The following ZNF737 variants were observed in gnomAD, a reference collection of about 807,000 sequenced individuals.
ZNF737 encodes zinc finger protein 102 (Y3).
A neutral mutation model predicts 11.7 loss-of-function variants in ZNF737; 13 were observed. The observed-to-expected ratio is 1.11, with a 90% CI of 0.73 to 1.77. The LOEUF (loss-of-function observed/expected upper bound fraction) is 1.77. ZNF737 is among the 40% of genes most tolerant of loss of function. ZNF737 has a pLI of 0.00. For synonymous variants in ZNF737, 217 were observed against 216.2 expected (o/e 1.00, Z -0.03); for missense variants, 636 against 638.0 (o/e 1.00, Z 0.03).
At chr19:20,552,351 G>C in intron 3 of ZNF737, 124 bp downstream of exon 3, 1 of 506,510 alleles carries the variant, frequency 2.0e-6, no homozygotes, top group Non-Finnish European at 3.2e-6. Context: ...AAAAAAAACA[G>C]CTCCCAGGAA....
At position 20,544,530 on chromosome 19, in the gene ZNF737, G is replaced by C; in HGVS notation, c.*62C>G. The C allele has an allele frequency of 6.5e-7, 1 of 1,542,366 alleles. No individual in the cohort carries two copies. Among genetic ancestry groups the C allele is most frequent in the South Asian group, 1.3e-5 (1 of 79,722 alleles). On this transcript the variant is annotated 3_prime_UTR_variant, in exon 4 of 4. Coordinates refer to ENST00000427401, the MANE Select transcript of ZNF737 (RefSeq NM_001159293.2). ...CACTTGTACAGTTTCCCTCCAATATGAATTTTCTTATGTGAAAAAAGCATA... is the reference window on the plus strand; with the variant it reads ...CACTTGTACAGTTTCCCTCCAATATCAATTTTCTTATGTGAAAAAAGCATA...
chr19:20,549,226 ATC>A (rs1968578035), intron 3 of ZNF737, among the ~76,000 whole-genome samples: 1 of 152,204 alleles, frequency 6.6e-6, no homozygotes, highest in Admixed American at 6.5e-5. Context: ...TGCATAATTT[ATC>A]TCTTAATTAA....
rs1968174674 is a variant in ZNF737 at position 20,540,862 on chromosome 19, A to T, written c.*3730T>A. 2 of 945,756 alleles carry T rather than the reference A, an allele frequency of 2.1e-6. No individual in the cohort carries two copies. The highest frequency in any genetic ancestry group is 2.5e-6 in the Non-Finnish European group (2 of 793,998). The allele number at this position is 945,756 out of a possible 1,614,324, so 58.6% of individuals were successfully genotyped here. ...CTTTTTAGTTTTATTCATTACAAAT[A>T]ACTATTTTTCTGGCTTAAATTATTT... is the stretch of plus-strand genomic sequence containing the variant. On this transcript the variant is annotated 3_prime_UTR_variant, in exon 4 of 4. Coordinates refer to ENST00000427401, the MANE Select transcript of ZNF737 (RefSeq NM_001159293.2).
downstream of ZNF737, among the ~76,000 whole-genome samples, chr19:20,532,427 T>C (rs62105644): frequency 0.039 from 5,797 of 150,018 alleles, 394 homozygotes; most frequent in Non-Finnish European, 0.06. Flanking sequence ...CATACCCATG[T>C]GACTCATTTT....
intron 1 of ZNF737, among the ~76,000 whole-genome samples, chr19:20,555,969 G>A (rs1968874238): frequency 6.6e-6 from 1 of 152,100 alleles, no homozygotes; most frequent in African/African-American, 2.4e-5. Flanking sequence ...ACATCAACTG[G>A]CAGAAAAAGA....
intron 3 of ZNF737, 134 bp from the exon 4 acceptor site, chr19:20,546,110 T>C: frequency 3.4e-6 from 4 of 1,171,832 alleles, no homozygotes; most frequent in Non-Finnish European, 4.7e-6. Flanking sequence ...TGTAATTTCT[T>C]CCTGGATACA....
At chr19:20,549,093 C>T (rs1968573951) in intron 3 of ZNF737, among the ~76,000 whole-genome samples, 1 of 151,050 alleles carries the variant, frequency 6.6e-6, no homozygotes, top group Admixed American at 6.6e-5. Context: ...TCCATAAGTA[C>T]TCACTTAGAC....
the ZNF737 span, among the ~76,000 whole-genome samples, chr19:20,530,521 G>C: frequency 2.7e-4 from 40 of 147,602 alleles, 4 homozygotes; most frequent in Middle Eastern, 7.4e-3. Flanking sequence ...TGGGGCGGTT[G>C]CCAGGCGGAG....
chr19:20,551,506 T>A (rs1242309012), intron 3 of ZNF737, among the ~76,000 whole-genome samples: 1 of 151,520 alleles, frequency 6.6e-6, no homozygotes, highest in Non-Finnish European at 1.5e-5. Flanking sequence ...AGTTGCTGTT[T>A]GTGGATCATA....
chr19:20,546,928 G>T (rs1968473736), intron 3 of ZNF737, among the ~76,000 whole-genome samples: 1 of 152,124 alleles, frequency 6.6e-6, no homozygotes, highest in African/African-American at 2.4e-5. Flanking sequence ...CACACTGTGT[G>T]TTTTCTAACA....
At chr19:20,530,767 C>T in the ZNF737 span, among the ~76,000 whole-genome samples, 44 of 147,772 alleles carry the variant, frequency 3.0e-4, 1 homozygote, top group South Asian at 8.6e-3. Context: ...CAGAGGGGCT[C>T]CTCACATCCC....
Position 20,565,656 on chromosome 19 carries a change from G to A in ZNF737, c.-16C>T. ...CTCTCACCATTTCTAGGCTTCCAGGGGCTCCCGGGCGTCTTAGCTGTGGAT... is the reference window on the plus strand; with the variant it reads ...CTCTCACCATTTCTAGGCTTCCAGGAGCTCCCGGGCGTCTTAGCTGTGGAT... On this transcript the variant is annotated 5_prime_UTR_variant, in exon 1 of 4. Coordinates refer to ENST00000427401, the MANE Select transcript of ZNF737 (RefSeq NM_001159293.2). 3.1e-6 allele frequency: 5 copies of A among 1,614,146 alleles called. No homozygotes were observed. Among genetic ancestry groups the A allele is most frequent in the Non-Finnish European group, 4.2e-6 (5 of 1,180,040 alleles).
At chr19:20,551,312 C>T (rs1038317065) in intron 3 of ZNF737, 1 of 151,370 alleles carries the variant, frequency 6.6e-6, no homozygotes, top group Non-Finnish European at 1.5e-5. Flanking sequence ...ACCAGTAATC[C>T]CAGCTACCCA....
In ZNF737 at chr19:20,545,475, TATGAAAACCGGCTAAAGGC is replaced by T. The variant is rs782774155; in HGVS notation, c.709_727del (p.Ala237ThrfsTer7). 5 of 1,613,332 alleles carry T rather than the reference TATGAAAACCGGCTAAAGGC, an allele frequency of 3.1e-6. No homozygotes were observed. In the African/African-American group the frequency reaches 6.7e-5, roughly 22 times the overall value. ...ATGAATTATCTTATGTGCAGTAAGG[TATGAAAACCGGCTAAAGGC>T]TTTGCCACAGTCTTCACATTTGTAC... On this transcript the variant is annotated frameshift_variant, in exon 4 of 4. Coordinates refer to ENST00000427401, the MANE Select transcript of ZNF737 (RefSeq NM_001159293.2). LOFTEE classifies it low-confidence loss of function (END_TRUNC).
Position 20,538,806 on chromosome 19 carries a change from C to G in ZNF737, c.*5786G>C. The G allele has an allele frequency of 1.0e-6, 1 of 985,348 alleles. No individual in the cohort carries two copies. Among genetic ancestry groups the G allele is most frequent in the Non-Finnish European group, 1.2e-6 (1 of 829,902 alleles). The allele number at this position is 985,348 out of a possible 1,614,324, so 61.0% of individuals were successfully genotyped here. ...TGTTATTTGCATAGCTAGATAATTA[C>G]CAACTTTAGTCATACTATTTTTTAG... On this transcript the variant is annotated 3_prime_UTR_variant, in exon 4 of 4. Coordinates refer to ENST00000427401, the MANE Select transcript of ZNF737 (RefSeq NM_001159293.2).
chr19:20,547,717 AAAC>A (rs1968507799), intron 3 of ZNF737, among the ~76,000 whole-genome samples: 1 of 152,088 alleles, frequency 6.6e-6, no homozygotes, highest in Non-Finnish European at 1.5e-5. Flanking sequence ...GAAATTAAAA[AAAC>A]ACACAATGAC....
chr19:20,548,962 GAAAA>G (rs3047010), intron 3 of ZNF737, among the ~76,000 whole-genome samples: 44 of 86,442 alleles, frequency 5.1e-4, no homozygotes, highest in Non-Finnish European at 7.7e-4. Context: ...AAGAAAAACT[GAAAA>G]AAAAAAAAAA....
downstream of ZNF737, among the ~76,000 whole-genome samples, chr19:20,532,375 G>GT (rs1313938291): frequency 4.0e-5 from 6 of 149,364 alleles, no homozygotes; most frequent in East Asian, 2.0e-4. Context: ...TATTTCTGAG[G>GT]TTTTTTTTAA....
intron 1 of ZNF737, among the ~76,000 whole-genome samples, chr19:20,554,755 G>A (rs534643141): frequency 1.3e-5 from 2 of 152,022 alleles, no homozygotes; most frequent in Non-Finnish European, 2.9e-5. Context: ...ATTTTTAGTA[G>A]TAATTTTAAA....
Sources: gnomAD v4.1 joint callset for allele counts (sites outside exome capture counted in the v4.1 genomes callset) on GRCh38, gnomAD v4.1.1 for gene constraint, MANE v1.5 for transcripts, NCBI Gene and HGNC (gene_info 2026-07-23, HGNC 2026-07-21) for gene names.